Variants in CDH11 observed in about 807,000 individuals in gnomAD.
CDH11 encodes cadherin-11.
CDH11 carries 11 observed loss-of-function variants against 67.8 expected under a neutral mutation model. The observed-to-expected ratio is 0.16, with a 90% CI of 0.10 to 0.27. CDH11 has a LOEUF of 0.27. Ranked by LOEUF, CDH11 falls within the 10% of genes least tolerant of loss-of-function variation. The pLI is 1.00. For missense variants in CDH11, 847 were observed against 1,031.2 expected (o/e 0.82, Z 2.45); for synonymous variants, 419 against 400.0 (o/e 1.05, Z -0.57).
intron 1 of CDH11, chr16:65,118,960 T>C (rs1183889671): frequency 1.3e-5 from 2 of 152,186 alleles, no homozygotes; most frequent in Non-Finnish European, 2.9e-5. Flanking sequence ...TGAAAACAGA[T>C]TTGAATATAA....
chr16:65,028,290 T>C (rs2073572576), intron 2 of CDH11, among the ~76,000 whole-genome samples: 2 of 152,140 alleles, frequency 1.3e-5, no homozygotes, highest in Non-Finnish European at 1.5e-5. Flanking sequence ...TGTCTGCCCC[T>C]GCCTCTGGCA....
chr16:65,006,959 A>G (rs2073068800), intron 2 of CDH11: 1 of 152,124 alleles, frequency 6.6e-6, no homozygotes, highest in Non-Finnish European at 1.5e-5. Context: ...TTCAACTATA[A>G]TTGTGAGGCT....
upstream of CDH11, chr16:65,123,630 A>T (rs1376522209): frequency 6.6e-6 from 1 of 151,654 alleles, no homozygotes; most frequent in Non-Finnish European, 1.5e-5. Flanking sequence ...GCTTGGGGAG[A>T]CGCCCGCGGG....
chr16:64,973,671 G>C (rs1260936303), intron 8 of CDH11, among the ~76,000 whole-genome samples: 3 of 152,062 alleles, frequency 2.0e-5, no homozygotes, highest in South Asian at 4.1e-4. Context: ...GCTGGGGATG[G>C]TGGCACACAC....
chr16:65,114,784 G>A (rs1567588337), intron 1 of CDH11, among the ~76,000 whole-genome samples: 1 of 152,170 alleles, frequency 6.6e-6, no homozygotes, highest in East Asian at 1.9e-4. Context: ...GTGAGAAACA[G>A]TTGGAAACCA....
At chr16:65,029,130 A>G (rs2073589333) in intron 2 of CDH11, among the ~76,000 whole-genome samples, 1 of 152,212 alleles carries the variant, frequency 6.6e-6, no homozygotes, top group South Asian at 2.1e-4. Context: ...TAAGAAGAAA[A>G]ACACTTTTTA....
chr16:65,025,692 T>G (rs1230254821), intron 2 of CDH11, among the ~76,000 whole-genome samples: 2 of 152,144 alleles, frequency 1.3e-5, no homozygotes, highest in Non-Finnish European at 2.9e-5. Context: ...GGGTTGCAGA[T>G]AAATTTAAAT....
intron 4 of CDH11, among the ~76,000 whole-genome samples, chr16:64,998,197 C>T (rs1159137912): frequency 3.9e-5 from 6 of 152,164 alleles, no homozygotes; most frequent in African/African-American, 1.4e-4. Flanking sequence ...GGTTTCCTAT[C>T]TGTGAAATAC....
intron 1 of CDH11, among the ~76,000 whole-genome samples, chr16:65,105,148 C>A (rs1196869053): frequency 6.6e-6 from 1 of 152,152 alleles, no homozygotes; most frequent in African/African-American, 2.4e-5. Flanking sequence ...ATAAAGCATA[C>A]ACTTCATAAA....
At chr16:65,096,993 A>T (rs16968468) in intron 1 of CDH11, among the ~76,000 whole-genome samples, 9,780 of 152,222 alleles carry the variant, frequency 0.064, 518 homozygotes, top group African/African-American at 0.15. Flanking sequence ...CAAAAGCAGT[A>T]CACAGTAGTC....
chr16:65,001,785 GAC>G (rs949925806), intron 3 of CDH11, among the ~76,000 whole-genome samples: 7 of 145,462 alleles, frequency 4.8e-5, no homozygotes, highest in East Asian at 2.1e-4. Flanking sequence ...CACACACACA[GAC>G]ACACACACAC....
intron 1 of CDH11, among the ~76,000 whole-genome samples, chr16:65,079,787 C>T (rs1009512696): frequency 1.3e-5 from 2 of 152,158 alleles, no homozygotes; most frequent in Non-Finnish European, 2.9e-5. Context: ...GCTTTCTTGT[C>T]TAACCGGGCA....
At chr16:64,950,625 CCGTA>C in intron 12 of CDH11, 138 bp downstream of exon 12, 2 of 981,102 alleles carry the variant, frequency 2.0e-6, no homozygotes, top group East Asian at 2.9e-5. Context: ...CACCCCGCCC[CCGTA>C]CCCCACTTCT....
chr16:64,985,931 C>T (rs952648561), intron 7 of CDH11: 1 of 151,822 alleles, frequency 6.6e-6, no homozygotes, highest in Admixed American at 6.6e-5. Flanking sequence ...TCCCTGTGGT[C>T]AAGACTCTGC....
intron 1 of CDH11, among the ~76,000 whole-genome samples, chr16:65,073,563 C>T (rs1024856977): frequency 1.3e-5 from 2 of 152,176 alleles, no homozygotes; most frequent in African/African-American, 4.8e-5. Context: ...ATGTTATAGG[C>T]GTGAGCCACC....
chr16:65,082,957 A>G (rs1448988921), intron 1 of CDH11, among the ~76,000 whole-genome samples: 1 of 152,154 alleles, frequency 6.6e-6, no homozygotes, highest in Non-Finnish European at 1.5e-5. Flanking sequence ...GAAGGCACAC[A>G]AGGGTTTTAT....
chr16:64,951,578 A>G (rs1231559621), intron 11 of CDH11, among the ~76,000 whole-genome samples: 4 of 152,130 alleles, frequency 2.6e-5, no homozygotes, highest in Admixed American at 6.5e-5. Flanking sequence ...CTGCTGGGCT[A>G]TTAGCTTCAG....
intron 1 of CDH11, among the ~76,000 whole-genome samples, chr16:65,107,392 A>G (rs1014956194): frequency 1.2e-4 from 18 of 152,322 alleles, no homozygotes; most frequent in African/African-American, 2.2e-4. Flanking sequence ...CTCAGTCCAC[A>G]TCAGCTATTA....
chr16:64,965,893 T>C (rs184387865), intron 11 of CDH11, among the ~76,000 whole-genome samples: 4 of 152,108 alleles, frequency 2.6e-5, no homozygotes, highest in African/African-American at 9.6e-5. Flanking sequence ...TAATTTCTTA[T>C]TATAAGGTAC....
Sources: allele counts gnomAD v4.1 joint callset (sites outside exome capture counted in the v4.1 genomes callset), GRCh38; gene constraint gnomAD v4.1.1; transcripts MANE v1.5; gene names NCBI Gene and HGNC (gene_info 2026-07-23, HGNC 2026-07-21).